MACROD2: variants seen among roughly 807,000 people sequenced by gnomAD.
MACROD2 encodes ADP-ribose glycohydrolase MACROD2.
MACROD2 carries 36 observed loss-of-function variants against 70.4 expected under a neutral mutation model. The ratio of observed to expected loss-of-function variants is 0.51; its 90% CI spans 0.39 to 0.68. MACROD2 has a LOEUF of 0.68. Ranked by LOEUF, MACROD2 falls within the 30% of genes least tolerant of loss-of-function variation. The pLI is 0.00. For synonymous variants in MACROD2, 172 were observed against 178.8 expected, an observed-to-expected ratio of 0.96 and a Z score of 0.30; for missense variants, 496 against 538.4, an observed-to-expected ratio of 0.92 and a Z score of 0.78.
chr20:15,936,863 TA>T (rs1354165245), intron 11 of MACROD2, among the ~76,000 whole-genome samples: 1 of 152,064 alleles, frequency 6.6e-6, no homozygotes, highest in Non-Finnish European at 1.5e-5. Flanking sequence ...TACTCTAATG[TA>T]GTTCATTGTT....
At chr20:14,936,486 A>G (rs1264382951) in intron 5 of MACROD2, among the ~76,000 whole-genome samples, 1 of 152,162 alleles carries the variant, frequency 6.6e-6, no homozygotes, top group Non-Finnish European at 1.5e-5. Flanking sequence ...ATCTTTATAT[A>G]TGCCTATAAT....
intron 8 of MACROD2, among the ~76,000 whole-genome samples, chr20:15,695,976 TATC>T (rs1217243390): frequency 6.6e-6 from 1 of 152,190 alleles, no homozygotes; most frequent in African/African-American, 2.4e-5. Flanking sequence ...TAAACAATCT[TATC>T]ATCAGCAAAC....
At chr20:15,300,468 T>C (rs2077631662) in intron 6 of MACROD2, among the ~76,000 whole-genome samples, 1 of 152,178 alleles carries the variant, frequency 6.6e-6, no homozygotes, top group Admixed American at 6.5e-5. Context: ...AACCTTCCAA[T>C]TCAAAGTGTG....
intron 2 of MACROD2, among the ~76,000 whole-genome samples, chr20:14,047,604 T>C (rs2053498523): frequency 6.6e-6 from 1 of 152,154 alleles, no homozygotes; most frequent in African/African-American, 2.4e-5. Flanking sequence ...TTAAATAATA[T>C]CTTGTACTCA....
intron 3 of MACROD2, among the ~76,000 whole-genome samples, chr20:14,300,212 C>A (rs886821709): frequency 3.3e-5 from 5 of 152,170 alleles, no homozygotes; most frequent in Admixed American, 6.5e-5. Context: ...ATGTCTGTTA[C>A]AACATCGCTA....
intron 6 of MACROD2, among the ~76,000 whole-genome samples, chr20:15,391,044 G>A (rs374251198): frequency 3.3e-5 from 5 of 152,138 alleles, no homozygotes; most frequent in African/African-American, 1.2e-4. Context: ...GAGAAACAAC[G>A]AGAGAGCTGG....
Position 16,035,078 on chromosome 20 carries a change from AATATG to A in MACROD2, c.1154-6122_1154-6118del, listed in dbSNP as rs1444651313. 1.3e-3 allele frequency among the ~76,000 whole-genome samples: 34 copies of A among 26,962 alleles called. 1 individual carries two copies. Among genetic ancestry groups the A allele is most frequent in the Middle Eastern group, 0.031 (2 of 64 alleles). The allele number at this position is 26,962 out of a possible 152,430, so 17.7% of individuals were successfully genotyped here. On this transcript the variant is annotated intron_variant, in intron 15 of 17. Coordinates refer to ENST00000684519, the MANE Select transcript of MACROD2 (RefSeq NM_001351661.2). ...ATATAAAATATTATATATAAAATAT[AATATG>A]TAATATAAAATATTATATATTATAT...
At chr20:15,054,906 C>T (rs1187901741) in intron 5 of MACROD2, among the ~76,000 whole-genome samples, 2 of 151,544 alleles carry the variant, frequency 1.3e-5, no homozygotes, top group South Asian at 4.1e-4. Flanking sequence ...TCTCAGCCTC[C>T]CAAGTAGCTG....
chr20:14,831,631 A>G (rs77426274), intron 5 of MACROD2, among the ~76,000 whole-genome samples: 19,420 of 151,104 alleles, frequency 0.13, 1,405 homozygotes, highest in Middle Eastern at 0.27. Context: ...AATACAAACA[A>G]TAGCCAGGTG....
chr20:14,325,819 C>G (rs2082723581), intron 3 of MACROD2: 1 of 1,613,916 alleles, frequency 6.2e-7, no homozygotes, highest in East Asian at 2.2e-5. Flanking sequence ...GCTATATGCA[C>G]AGTTCCTTGA....
chr20:14,756,721 C>T (rs989034825), intron 5 of MACROD2, among the ~76,000 whole-genome samples: 1 of 150,774 alleles, frequency 6.6e-6, no homozygotes, highest in African/African-American at 2.5e-5. Context: ...AATTCTGAAT[C>T]TTGACAATGT....
chr20:15,699,399 T>G (rs1350036923), intron 8 of MACROD2, among the ~76,000 whole-genome samples: 1 of 152,178 alleles, frequency 6.6e-6, no homozygotes, highest in Non-Finnish European at 1.5e-5. Flanking sequence ...TACTGGGTGT[T>G]GTCTGCACAG....
At chr20:16,045,651 G>A (rs2067369630) in intron 17 of MACROD2, among the ~76,000 whole-genome samples, 1 of 151,992 alleles carries the variant, frequency 6.6e-6, no homozygotes, top group African/African-American at 2.4e-5. Context: ...TTAACATAAT[G>A]TTGTTACTTG....
intron 5 of MACROD2, among the ~76,000 whole-genome samples, chr20:15,064,509 G>C (rs1187963465): frequency 2.6e-5 from 4 of 152,158 alleles, no homozygotes; most frequent in African/African-American, 9.7e-5. Flanking sequence ...GAATCTCCCT[G>C]AAACTTCTAA....
chr20:14,325,017 A>G (rs1271460937), intron 3 of MACROD2: 1 of 152,582 alleles, frequency 6.6e-6, no homozygotes, highest in Non-Finnish European at 1.5e-5. Context: ...ATTTTGATTT[A>G]TTGAATACCA....
intron 8 of MACROD2, among the ~76,000 whole-genome samples, chr20:15,630,744 T>C (rs934291112): frequency 2.0e-5 from 3 of 152,242 alleles, no homozygotes; most frequent in African/African-American, 7.2e-5. Context: ...GGTGGTCTTT[T>C]CCTAACTCTT....
At chr20:14,147,962 A>G (rs1375505221) in intron 3 of MACROD2, among the ~76,000 whole-genome samples, 1 of 152,212 alleles carries the variant, frequency 6.6e-6, no homozygotes, top group Non-Finnish European at 1.5e-5. Context: ...AAGTTATTAG[A>G]AATTTTAGAT....
intron 8 of MACROD2, among the ~76,000 whole-genome samples, chr20:15,649,108 CT>C (rs2049601290): frequency 9.5e-6 from 1 of 105,622 alleles, no homozygotes; most frequent in Non-Finnish European, 1.9e-5. Flanking sequence ...CTCCCCTCCC[CT>C]TCCCTCCCCT....
intron 7 of MACROD2, among the ~76,000 whole-genome samples, chr20:15,461,564 T>C (rs2046818879): frequency 6.6e-6 from 1 of 152,194 alleles, no homozygotes; most frequent in Non-Finnish European, 1.5e-5. Flanking sequence ...GTTAGTTAAC[T>C]CTCTTTTAGC....
Sources: gnomAD v4.1 joint callset for allele counts (sites outside exome capture counted in the v4.1 genomes callset) on GRCh38, gnomAD v4.1.1 for gene constraint, MANE v1.5 for transcripts, NCBI Gene and HGNC (gene_info 2026-07-23, HGNC 2026-07-21) for gene names.